Variants in MAST4 observed in about 807,000 individuals in gnomAD.
MAST4 encodes microtubule-associated serine/threonine-protein kinase 4.
In MAST4, 89 loss-of-function variants were observed where a neutral mutation model predicts 162.7. The observed-to-expected ratio is 0.55, with a 90% CI of 0.46 to 0.65. The LOEUF is 0.65. Ranked by LOEUF, MAST4 falls within the 30% of genes least tolerant of loss-of-function variation. The probability of loss-of-function intolerance (pLI) is 0.00; values close to 1 mark genes in which losing one functional copy is unlikely to be tolerated. For synonymous variants in MAST4, 1,479 were observed against 1,361.1 expected, an observed-to-expected ratio of 1.09 and a Z score of -1.91; for missense variants, 3,153 against 3,374.0, an observed-to-expected ratio of 0.93 and a Z score of 1.62.
chr5:66,810,337 C>T (rs1248065185), intron 3 of MAST4, among the ~76,000 whole-genome samples: 1 of 152,194 alleles, frequency 6.6e-6, no homozygotes. Flanking sequence ...GGCCCATGCT[C>T]CGTCCCACGC....
chr5:66,809,059 T>C (rs1756346810), intron 3 of MAST4, among the ~76,000 whole-genome samples: 1 of 152,244 alleles, frequency 6.6e-6, no homozygotes, highest in Non-Finnish European at 1.5e-5. Flanking sequence ...TTCCTAACTG[T>C]TGATTACACT....
At position 67,167,620 on chromosome 5, in the gene MAST4, A is replaced by G. The variant is rs1774200162; in HGVS notation, c.*569A>G. 2 of 152,234 alleles carry G rather than the reference A, an allele frequency of 1.3e-5. No individual in the cohort carries two copies. The highest frequency in any genetic ancestry group is 4.8e-5 in the African/African-American group (2 of 41,456). The allele number at this position is 152,234 out of a possible 1,614,324, so 9.4% of individuals were successfully genotyped here. A position where few individuals can be genotyped will look rare whatever the true frequency, so the allele number is the denominator to read the frequency against. ...CTAAGTTAAGATGGAAGAAAGCCCT[A>G]AACACAGTAGATTCTGAGTTTTTAT... On this transcript the variant is annotated 3_prime_UTR_variant, in exon 29 of 29. Transcript: ENST00000403625.
chr5:67,065,188 A>G (rs570976066), intron 5 of MAST4, among the ~76,000 whole-genome samples: 1 of 152,234 alleles, frequency 6.6e-6, no homozygotes, highest in South Asian at 2.1e-4. Flanking sequence ...CTTTTGTTCT[A>G]AGATATGATC....
intron 1 of MAST4, among the ~76,000 whole-genome samples, chr5:66,708,204 C>A (rs542476800): frequency 2.6e-5 from 4 of 152,022 alleles, no homozygotes; most frequent in Non-Finnish European, 5.9e-5. Context: ...GGAAAGAGTG[C>A]GGGACTTGGA....
chr5:66,753,445 G>A (rs866805321), intron 1 of MAST4, among the ~76,000 whole-genome samples: 346 of 150,720 alleles, frequency 2.3e-3, no homozygotes, highest in African/African-American at 7.4e-3. Flanking sequence ...TCAAATAGAC[G>A]CAATAAAAAA....
chr5:66,936,434 A>G (rs1328136051), intron 4 of MAST4, among the ~76,000 whole-genome samples: 1 of 152,234 alleles, frequency 6.6e-6, no homozygotes, highest in Non-Finnish European at 1.5e-5. Context: ...ACCTGGGTGC[A>G]GGCGGGCTAA....
At chr5:66,734,795 A>G (rs1752065628) in intron 1 of MAST4, among the ~76,000 whole-genome samples, 1 of 152,216 alleles carries the variant, frequency 6.6e-6, no homozygotes, top group Non-Finnish European at 1.5e-5. Flanking sequence ...TGGACGGCAC[A>G]GTGTTGGAAG....
At chr5:66,616,823 T>C (rs1743724420) in intron 1 of MAST4, among the ~76,000 whole-genome samples, 1 of 152,228 alleles carries the variant, frequency 6.6e-6, no homozygotes, top group South Asian at 2.1e-4. Context: ...GTGTAAATAA[T>C]AAGTACTGCC....
intron 1 of MAST4, among the ~76,000 whole-genome samples, chr5:66,606,928 A>AAATATTAAATGAGTATATG (rs1315078975): frequency 6.6e-6 from 1 of 152,078 alleles, no homozygotes. Context: ...TTACTCATTT[A>AAATATTAAATGAGTATATG]AATATTAAAT....
chr5:66,853,594 A>C (rs1759468169), intron 3 of MAST4, among the ~76,000 whole-genome samples: 1 of 152,216 alleles, frequency 6.6e-6, no homozygotes, highest in Non-Finnish European at 1.5e-5. Context: ...GAGTTTGTGC[A>C]GAAGTTACTA....
chr5:66,971,968 A>T (rs1423035163), intron 4 of MAST4, among the ~76,000 whole-genome samples: 1 of 152,062 alleles, frequency 6.6e-6, no homozygotes, highest in Non-Finnish European at 1.5e-5. Flanking sequence ...AAACTCAGAG[A>T]TGCCTCAGTA....
At chr5:67,044,044 A>G (rs1278809067) in intron 4 of MAST4, among the ~76,000 whole-genome samples, 2 of 152,198 alleles carry the variant, frequency 1.3e-5, no homozygotes, top group African/African-American at 2.4e-5. Flanking sequence ...TTATCCTGGC[A>G]GGCTAGATTA....
intron 5 of MAST4, among the ~76,000 whole-genome samples, chr5:67,065,931 C>T (rs1253214525): frequency 1.3e-5 from 2 of 152,064 alleles, no homozygotes; most frequent in Non-Finnish European, 2.9e-5. Flanking sequence ...CAGGTGTGCA[C>T]ACACTGTGGC....
At chr5:66,974,219 T>A (rs551414807) in intron 4 of MAST4, among the ~76,000 whole-genome samples, 1 of 152,356 alleles carries the variant, frequency 6.6e-6, no homozygotes, top group Non-Finnish European at 1.5e-5. Context: ...TGTTTATTTA[T>A]CCTACCCAAC....
chr5:66,955,693 G>A (rs2150142981), intron 4 of MAST4, among the ~76,000 whole-genome samples: 1 of 152,164 alleles, frequency 6.6e-6, no homozygotes, highest in African/African-American at 2.4e-5. Context: ...TTTTGTATGT[G>A]TCTATGAAAG....
intron 3 of MAST4, among the ~76,000 whole-genome samples, chr5:66,831,059 G>A (rs79110881): frequency 7.2e-5 from 11 of 152,226 alleles, no homozygotes; most frequent in African/African-American, 2.2e-4. Context: ...ATAAGTAGAT[G>A]GGTAGAGTTG....
Position 67,163,943 on chromosome 5 carries a change from A to G in MAST4, c.4764A>G (p.Glu1588=). The G allele has an allele frequency of 9.3e-6, 15 of 1,613,650 alleles. No individual in the cohort carries two copies. Among genetic ancestry groups the G allele is most frequent in the Non-Finnish European group, 1.3e-5 (15 of 1,179,764 alleles). Residue 1588 remains glutamate (E), a synonymous_variant, in exon 29 of 29, where the codon GAA becomes GAG. Transcript: ENST00000403625. The surrounding 1 kb of genome is among the most constrained non-coding windows in gnomAD (Gnocchi z 7.0). ...PKAVERSSTF[E]NKASMQEAPP... Reference sequence around the variant, plus strand: ...CTGTGGAAAGGTCAAGTACTTTTGAAAACAAAGCGTCTATGCAGGAGGCGC... The same window carrying G: ...CTGTGGAAAGGTCAAGTACTTTTGAGAACAAAGCGTCTATGCAGGAGGCGC...
chr5:66,748,012 C>G (rs1752873372), intron 1 of MAST4, among the ~76,000 whole-genome samples: 1 of 152,186 alleles, frequency 6.6e-6, no homozygotes, highest in African/African-American at 2.4e-5. Context: ...GGACATAGGA[C>G]ATGCTATGCT....
At chr5:66,868,764 G>A (rs371380949) in intron 3 of MAST4, among the ~76,000 whole-genome samples, 2 of 151,846 alleles carry the variant, frequency 1.3e-5, no homozygotes, top group African/African-American at 4.8e-5. Context: ...CAGATTTATT[G>A]TACTTGAAAA....
Sources: gnomAD v4.1 joint callset for allele counts (sites outside exome capture counted in the v4.1 genomes callset) on GRCh38, gnomAD v4.1.1 for gene constraint, Gnocchi (gnomAD v3.1) non-coding constraint, MANE v1.5 for transcripts, NCBI Gene and HGNC (gene_info 2026-07-23, HGNC 2026-07-21) for gene names.